Variants in RSRC1 observed in about 807,000 individuals in gnomAD.
RSRC1 encodes the protein arginine and serine rich coiled-coil 1.
Under a neutral mutation model 49.1 loss-of-function variants are expected in RSRC1, and 39 were observed. The observed-to-expected ratio is 0.79, with a 90% confidence interval of 0.61 to 1.04. The LOEUF (loss-of-function observed/expected upper bound fraction) is 1.04. Among genes scored for constraint, RSRC1 ranks in the 50% least tolerant of loss-of-function variants. RSRC1 has a pLI of 0.00. For synonymous variants in RSRC1, 143 were observed against 130.8 expected, an observed-to-expected ratio of 1.09 and a Z score of -0.63; for missense variants, 388 against 402.4, an observed-to-expected ratio of 0.96 and a Z score of 0.31.
rs539216652 is a variant in RSRC1, at chr3:158,458,147, A to G, written c.584-2788A>G. ...TTGGTATGGGGTTATTGCCATTTGT[A>G]GTAAAGACAGCATAGTAAGTTGTAG... On this transcript the variant is annotated intron_variant, in intron 6 of 9. Coordinates refer to ENST00000611884, the MANE Select transcript of RSRC1 (RefSeq NM_001271838.2). 4.6e-5 allele frequency among the ~76,000 whole-genome samples: 7 copies of G among 152,194 alleles called. No individual in the cohort carries two copies. In the East Asian group the frequency reaches 1.4e-3, roughly 29 times the overall value.
intron 6 of RSRC1, among the ~76,000 whole-genome samples, chr3:158,390,615 T>G (rs966069486): frequency 6.6e-6 from 1 of 152,150 alleles, no homozygotes; most frequent in African/African-American, 2.4e-5. Flanking sequence ...TATTTTATAA[T>G]AATCGTAATA....
chr3:158,269,060 G>A (rs1367330164), intron 4 of RSRC1, among the ~76,000 whole-genome samples: 1 of 152,038 alleles, frequency 6.6e-6, no homozygotes, highest in Non-Finnish European at 1.5e-5. Flanking sequence ...AAAGGATATT[G>A]TTTTGATTTT....
intron 7 of RSRC1, among the ~76,000 whole-genome samples, chr3:158,500,734 G>A (rs147053186): frequency 6.6e-6 from 1 of 152,018 alleles, no homozygotes; most frequent in South Asian, 2.1e-4. Flanking sequence ...TTCTTAATGA[G>A]GTTATTTGGA....
At chr3:158,130,113 T>A (rs1364106397) in intron 3 of RSRC1, among the ~76,000 whole-genome samples, 2 of 152,288 alleles carry the variant, frequency 1.3e-5, no homozygotes, top group East Asian at 3.9e-4. Context: ...GGCCCTCTTT[T>A]AGGTTGACAG....
chr3:158,243,410 T>C (rs1401939748), intron 4 of RSRC1, among the ~76,000 whole-genome samples: 1 of 152,200 alleles, frequency 6.6e-6, no homozygotes, highest in Non-Finnish European at 1.5e-5. Flanking sequence ...TCTGTGTGTC[T>C]GTTTTTGTAA....
chr3:158,464,446 T>C (rs1737774791), intron 7 of RSRC1, among the ~76,000 whole-genome samples: 1 of 152,144 alleles, frequency 6.6e-6, no homozygotes, highest in African/African-American at 2.4e-5. Flanking sequence ...GTTTTTTTAC[T>C]TCAAATATTT....
intron 4 of RSRC1, among the ~76,000 whole-genome samples, chr3:158,224,307 T>G (rs2108301110): frequency 6.6e-6 from 1 of 151,976 alleles, no homozygotes; most frequent in South Asian, 2.1e-4. Flanking sequence ...TTAAGTTAAA[T>G]TTTTTTCCAC....
intron 6 of RSRC1, among the ~76,000 whole-genome samples, chr3:158,414,806 C>T (rs1353223324): frequency 6.6e-6 from 1 of 152,028 alleles, no homozygotes; most frequent in Non-Finnish European, 1.5e-5. Context: ...TTAATTCTTA[C>T]ATTTAATTTC....
chr3:158,279,854 A>G (rs1726041717), intron 4 of RSRC1, among the ~76,000 whole-genome samples: 1 of 152,214 alleles, frequency 6.6e-6, no homozygotes, highest in African/African-American at 2.4e-5. Flanking sequence ...TAAATAAATA[A>G]ATGTAGATTA....
chr3:158,311,053 G>A (rs543906067), intron 5 of RSRC1, among the ~76,000 whole-genome samples: 10 of 151,898 alleles, frequency 6.6e-5, no homozygotes, highest in Middle Eastern at 3.4e-3. Context: ...TAAAATACAC[G>A]TGCTTGCTTT....
chr3:158,308,802 G>A (rs1381317467), intron 5 of RSRC1, among the ~76,000 whole-genome samples: 1 of 151,838 alleles, frequency 6.6e-6, no homozygotes, highest in South Asian at 2.1e-4. Context: ...AGTTTTGATA[G>A]GTATTTCAGT....
chr3:158,180,738 G>T (rs1005741564), intron 3 of RSRC1, among the ~76,000 whole-genome samples: 2 of 150,934 alleles, frequency 1.3e-5, no homozygotes, highest in African/African-American at 4.9e-5. Flanking sequence ...AAAGTGCTGG[G>T]ATTACAGGTG....
At chr3:158,450,331 C>CTTTTTTTTTTT (rs57318071) in intron 6 of RSRC1, among the ~76,000 whole-genome samples, 1 of 127,308 alleles carries the variant, frequency 7.9e-6, no homozygotes, top group Non-Finnish European at 1.7e-5. Flanking sequence ...TTCTTTTTTG[C>CTTTTTTTTTTT]TTTTTTTTTT....
chr3:158,447,485 T>C (rs780018161), intron 6 of RSRC1, among the ~76,000 whole-genome samples: 15 of 152,008 alleles, frequency 9.9e-5, no homozygotes, highest in Non-Finnish European at 2.1e-4. Context: ...TAGAATTAGA[T>C]TTGTTTTATA....
chr3:158,387,590 TC>T (rs1733034517), intron 6 of RSRC1, among the ~76,000 whole-genome samples: 1 of 152,192 alleles, frequency 6.6e-6, no homozygotes. Flanking sequence ...TTCACTGGAC[TC>T]AGTGCCTTAA....
intron 4 of RSRC1, among the ~76,000 whole-genome samples, chr3:158,224,449 T>C (rs1722406661): frequency 6.6e-6 from 1 of 151,846 alleles, no homozygotes; most frequent in South Asian, 2.1e-4. Context: ...GGGATTATGC[T>C]ATGTAGATTT....
At chr3:158,516,459 G>C (rs1361474458) in intron 7 of RSRC1, among the ~76,000 whole-genome samples, 1 of 152,178 alleles carries the variant, frequency 6.6e-6, no homozygotes, top group East Asian at 1.9e-4. Context: ...CCTGTTCTCA[G>C]ATCTCCAGCT....
intron 4 of RSRC1, among the ~76,000 whole-genome samples, chr3:158,238,355 G>A (rs547049040): frequency 1.3e-5 from 2 of 151,806 alleles, no homozygotes; most frequent in Non-Finnish European, 2.9e-5. Context: ...TCACAGAATT[G>A]GAAAAAACTA....
intron 3 of RSRC1, among the ~76,000 whole-genome samples, chr3:158,196,803 T>A (rs1034759245): frequency 6.6e-6 from 1 of 152,212 alleles, no homozygotes; most frequent in Non-Finnish European, 1.5e-5. Context: ...TGGATTATGC[T>A]TATTGATTTG....
Sources: gnomAD v4.1 joint callset for allele counts (sites outside exome capture counted in the v4.1 genomes callset) on GRCh38, gnomAD v4.1.1 for gene constraint, MANE v1.5 for transcripts, NCBI Gene and HGNC (gene_info 2026-07-23, HGNC 2026-07-21) for gene names.